Variants in PIK3R4 observed in about 807,000 individuals in gnomAD.
PIK3R4 encodes phosphoinositide-3-kinase regulatory subunit 4.
A neutral mutation model predicts 136.5 loss-of-function variants in PIK3R4; 46 were observed. That is an observed-to-expected ratio of 0.34 (90% CI 0.27 to 0.43). PIK3R4 has a LOEUF of 0.43. Among genes scored for constraint, PIK3R4 ranks in the 20% least tolerant of loss-of-function variants. PIK3R4 has a pLI of 1.00. For synonymous variants in PIK3R4, 557 were observed against 566.7 expected, an observed-to-expected ratio of 0.98 and a Z score of 0.24; for missense variants, 1,331 against 1,649.5, an observed-to-expected ratio of 0.81 and a Z score of 3.35.
chr3:130,735,839 C>T, intron 3 of PIK3R4, 30 bp downstream of exon 3: 1 of 1,586,618 alleles, frequency 6.3e-7, no homozygotes, highest in Non-Finnish European at 8.5e-7. Flanking sequence ...CTATTAAAAA[C>T]TTTATGGCGA....
At chr3:130,704,116 C>T (rs1027559973) in intron 12 of PIK3R4, among the ~76,000 whole-genome samples, 1 of 152,196 alleles carries the variant, frequency 6.6e-6, no homozygotes, top group Admixed American at 6.5e-5. Context: ...TTCAGAAAGG[C>T]AGCCCCTGGG....
chr3:130,728,579 A>T lies in PIK3R4; in HGVS notation c.1691T>A (p.Leu564Gln). Residue 564 changes from leucine to glutamine, a missense_variant, in exon 6 of 20, where the codon CTG (leucine) becomes CAG (glutamine). Physicochemically the swap from Leu to Gln is moderately radical, Grantham distance 113. Coordinates refer to ENST00000356763, the MANE Select transcript of PIK3R4 (RefSeq NM_014602.3). ...QTLMENGITR[L>Q]CVFFGRQKAN... ...TTTCTGACGTCCAAAGAATACACAC[A>T]GCCGTGTTATTCCATTTTCCATCAA... is the stretch of plus-strand genomic sequence containing the variant. The T allele has an allele frequency of 6.2e-7, 1 of 1,613,196 alleles. No homozygotes were observed. The highest frequency in any genetic ancestry group is 8.5e-7 in the Non-Finnish European group (1 of 1,179,360).
At chr3:130,715,401 G>T (rs1005715623) in intron 9 of PIK3R4, among the ~76,000 whole-genome samples, 2 of 151,976 alleles carry the variant, frequency 1.3e-5, no homozygotes, top group African/African-American at 4.8e-5. Flanking sequence ...TGGGTTTATA[G>T]GCCTGAACCA....
chr3:130,685,573 C>T (rs2066485150), intron 15 of PIK3R4, among the ~76,000 whole-genome samples: 1 of 152,186 alleles, frequency 6.6e-6, no homozygotes, highest in African/African-American at 2.4e-5. Context: ...TAGAGGGATA[C>T]ACAAATTGTT....
chr3:130,723,778 C>T, intron 6 of PIK3R4, 191 bp from the exon 7 acceptor site: 1 of 486,070 alleles, frequency 2.1e-6, no homozygotes, highest in Non-Finnish European at 3.6e-6. Context: ...AATTCTCGGA[C>T]ACCACAGAAA....
rs772252519 is a variant in PIK3R4 at position 130,708,470 on chromosome 3, T to C, written c.2354A>G (p.Asp785Gly). 3.1e-6 allele frequency: 5 copies of C among 1,612,844 alleles called. No homozygotes were observed. In the South Asian group the frequency reaches 5.5e-5, roughly 18 times the overall value. ...GAAGTCTTTCAGTGCCAGAAGTTTG[T>C]CTTCCTCTTCCTCTGTCATTCCCTA... Reference protein sequence around the residue: ...LSQGMTEEEEDKLLALKDFMM... With the variant: ...LSQGMTEEEEGKLLALKDFMM... The change falls in exon 10 of 20, where the codon GAC becomes GGC. Residue 785 changes from aspartate (D) to glycine (G), a missense_variant. Coordinates refer to ENST00000356763, the MANE Select transcript of PIK3R4 (RefSeq NM_014602.3).
intron 6 of PIK3R4, 134 bp downstream of exon 6, chr3:130,728,329 C>T: frequency 1.6e-6 from 1 of 628,678 alleles, no homozygotes; most frequent in South Asian, 2.2e-5. Context: ...CCAAAAGCAG[C>T]ATGAAGACAG....
At chr3:130,743,200 C>T (rs763079759) in intron 2 of PIK3R4, among the ~76,000 whole-genome samples, 14 of 151,774 alleles carry the variant, frequency 9.2e-5, no homozygotes, top group Non-Finnish European at 1.9e-4. Flanking sequence ...AGCTTGAGCT[C>T]AGGCGTTCAG....
At position 130,716,463 on chromosome 3, in the gene PIK3R4, G is replaced by A. The variant is rs763902518; in HGVS notation, c.2264C>T (p.Ser755Phe). The A allele has an allele frequency of 6.2e-7, 1 of 1,614,172 alleles. No homozygotes were observed. The highest frequency in any genetic ancestry group is 8.5e-7 in the Non-Finnish European group (1 of 1,179,996). Residue 755 changes from serine (S) to phenylalanine (F), a missense_variant, in exon 9 of 20, where the codon TCT (serine) becomes TTT (phenylalanine). Ser to Phe is a radical substitution (Grantham distance 155, BLOSUM62 -2). Transcript: ENST00000356763. ...LHMRQKKRNGSLPDCPPPEDP... is the reference protein window; with the variant it reads ...LHMRQKKRNGFLPDCPPPEDP... ...CTCTGGCGGAGGGCAGTCGGGAAGAGAACCATTTCGTTTCTTCTGACGCAT... is the reference window on the plus strand; with the variant it reads ...CTCTGGCGGAGGGCAGTCGGGAAGAAAACCATTTCGTTTCTTCTGACGCAT...
chr3:130,721,140 C>A (rs2066697519), intron 7 of PIK3R4, among the ~76,000 whole-genome samples: 2 of 151,830 alleles, frequency 1.3e-5, no homozygotes, highest in South Asian at 4.2e-4. Context: ...TCGAGACCAT[C>A]CTGGCTAACA....
chr3:130,691,867 GTTT>G (rs757678674), intron 13 of PIK3R4, among the ~76,000 whole-genome samples: 3 of 100,830 alleles, frequency 3.0e-5, no homozygotes, highest in East Asian at 2.7e-4. Context: ...TCTCTCTCTA[GTTT>G]TTTTTTTTTT....
intron 7 of PIK3R4, among the ~76,000 whole-genome samples, chr3:130,720,241 G>C (rs2066691016): frequency 6.6e-6 from 1 of 151,948 alleles, no homozygotes; most frequent in African/African-American, 2.4e-5. Context: ...TATTGCCCAG[G>C]CTGGAGTGCA....
rs1199361935 is a variant in PIK3R4, at chr3:130,679,493, G to A, written c.3907-8C>T. The A allele has an allele frequency of 6.2e-7, 1 of 1,604,538 alleles. No homozygotes were observed. The highest frequency in any genetic ancestry group is 1.3e-5 in the African/African-American group (1 of 74,676). ...CTGCTTATTCTGAATTTCCTGTTTG[G>A]TGATTAAAAGGGAGCAAGCCAGAGG... On this transcript the variant is annotated splice_region_variant and splice_polypyrimidine_tract_variant and intron_variant, in intron 19 of 19. Transcript: ENST00000356763.
At chr3:130,697,625 AAT>A (rs1180371167) in intron 13 of PIK3R4, among the ~76,000 whole-genome samples, 2 of 152,116 alleles carry the variant, frequency 1.3e-5, no homozygotes, top group Non-Finnish European at 2.9e-5. Context: ...ACTTTGCTCT[AAT>A]ATGTCTCTTC....
chr3:130,726,210 T>C (rs2066730771), intron 6 of PIK3R4, among the ~76,000 whole-genome samples: 1 of 151,994 alleles, frequency 6.6e-6, no homozygotes, highest in Non-Finnish European at 1.5e-5. Context: ...TTTGCAAAAC[T>C]ATATAAAGGA....
chr3:130,738,043 T>C (rs2066795579), intron 2 of PIK3R4, among the ~76,000 whole-genome samples: 1 of 152,218 alleles, frequency 6.6e-6, no homozygotes, highest in Non-Finnish European at 1.5e-5. Flanking sequence ...TTTTTCTCTA[T>C]TCATTGAAAA....
rs780504898 is a variant in PIK3R4 at position 130,730,329 on chromosome 3, G to A, written c.1564C>T (p.Pro522Ser). The change falls in exon 5 of 20, where the codon CCA becomes TCA. Residue 522 changes from proline to serine, a missense_variant. Pro to Ser is a moderately conservative substitution (Grantham distance 74). Coordinates refer to ENST00000356763, the MANE Select transcript of PIK3R4 (RefSeq NM_014602.3). ...NNEEIDEVTH[P>S]NGNYDTELQA... ...CAACCTGTGTCATAATTTCCATTTG[G>A]ATGTGTAACCTCATCTATTTCTTCA... 4.4e-6 allele frequency: 7 copies of A among 1,589,640 alleles called. No individual in the cohort carries two copies. The highest frequency in any genetic ancestry group is 1.2e-5 in the South Asian group (1 of 86,064).
chr3:130,738,704 A>C (rs2066800645), intron 2 of PIK3R4, among the ~76,000 whole-genome samples: 1 of 151,840 alleles, frequency 6.6e-6, no homozygotes, highest in South Asian at 2.1e-4. Context: ...AAAAAAAAAA[A>C]GATGAGGACT....
intron 5 of PIK3R4, among the ~76,000 whole-genome samples, chr3:130,729,000 C>T (rs2066748353): frequency 6.6e-6 from 1 of 152,064 alleles, no homozygotes; most frequent in African/African-American, 2.4e-5. Context: ...AATCACATTG[C>T]CCCAGTAAGA....
Sources: gnomAD v4.1 joint callset for allele counts (sites outside exome capture counted in the v4.1 genomes callset) on GRCh38, gnomAD v4.1.1 for gene constraint, MANE v1.5 for transcripts, NCBI Gene and HGNC (gene_info 2026-07-23, HGNC 2026-07-21) for gene names.